TTYH2: variants seen among roughly 807,000 people sequenced by gnomAD.
The protein encoded by TTYH2 is protein tweety homolog 2.
TTYH2 carries 49 observed loss-of-function variants against 68.3 expected under a neutral mutation model. The ratio of observed to expected loss-of-function variants is 0.72; its 90% confidence interval spans 0.57 to 0.91. TTYH2 has a LOEUF of 0.91. Among genes scored for constraint, TTYH2 ranks in the 40% least tolerant of loss-of-function variants. The probability of loss-of-function intolerance (pLI) is 0.00; values close to 1 mark genes in which losing one functional copy is unlikely to be tolerated. For synonymous variants in TTYH2, 272 were observed against 300.8 expected, an observed-to-expected ratio of 0.90 and a Z score of 0.99; for missense variants, 631 against 700.4, an observed-to-expected ratio of 0.90 and a Z score of 1.12.
chr17:74,246,218 G>C (rs1242559765), intron 6 of TTYH2, among the ~76,000 whole-genome samples: 2 of 152,146 alleles, frequency 1.3e-5, no homozygotes, highest in Non-Finnish European at 2.9e-5. Flanking sequence ...CCAGCTAAGG[G>C]GCAGCCAGGC....
intron 13 of TTYH2, among the ~76,000 whole-genome samples, chr17:74,258,297 C>A (rs535019950): frequency 6.6e-6 from 1 of 151,894 alleles, no homozygotes; most frequent in South Asian, 2.1e-4. Flanking sequence ...CTGAGTTTCA[C>A]TCTTGTTGCC....
chr17:74,227,588 T>C (rs1049991257), intron 2 of TTYH2, among the ~76,000 whole-genome samples: 16 of 152,312 alleles, frequency 1.1e-4, no homozygotes, highest in East Asian at 3.9e-4. Context: ...TCTGTGTGGA[T>C]ACAGTTGCAT....
intron 10 of TTYH2, 141 bp downstream of exon 10, chr17:74,250,498 T>C: frequency 1.5e-6 from 1 of 688,068 alleles, no homozygotes; most frequent in South Asian, 1.9e-5. Context: ...AGCCAGATAA[T>C]GGGAAGGGAG....
At chr17:74,220,666 G>A (rs1315966590) in intron 1 of TTYH2, among the ~76,000 whole-genome samples, 1 of 152,180 alleles carries the variant, frequency 6.6e-6, no homozygotes, top group African/African-American at 2.4e-5. Context: ...TCAGTCCCGG[G>A]GACAGGCCAT....
rs958587644 is a variant in TTYH2 at position 74,253,783 on chromosome 17, C to T, written c.1474C>T (p.Pro492Ser). Residue 492 changes from proline to serine, a missense_variant, in exon 13 of 14, where the codon CCA (proline) becomes TCA (serine). Transcript: ENST00000269346. ...MNQAMLFGRNPRYENVPLIGR... is the reference protein window; with the variant it reads ...MNQAMLFGRNSRYENVPLIGR... ...CCAAGCCATGCTCTTTGGTAGGAACCCACGCTACGAGAACGTGCCACTAAT... is the reference window on the plus strand; with the variant it reads ...CCAAGCCATGCTCTTTGGTAGGAACTCACGCTACGAGAACGTGCCACTAAT... 2 of 1,614,226 alleles carry T rather than the reference C, an allele frequency of 1.2e-6. No individual in the cohort carries two copies. Among genetic ancestry groups the T allele is most frequent in the Non-Finnish European group, 8.5e-7 (1 of 1,180,042 alleles).
intron 3 of TTYH2, among the ~76,000 whole-genome samples, chr17:74,235,064 C>T (rs1318113282): frequency 1.3e-5 from 2 of 152,054 alleles, no homozygotes; most frequent in Non-Finnish European, 2.9e-5. Context: ...TTAACCAACT[C>T]GTAAGAACCA....
Position 74,244,174 on chromosome 17 carries a change from A to T in TTYH2, c.804+125A>T, listed in dbSNP as rs919088630. The T allele has an allele frequency of 9.7e-6, 9 of 927,848 alleles. No homozygotes were observed. In the African/African-American group the frequency reaches 1.1e-4, roughly 12 times the overall value. The allele number at this position is 927,848 out of a possible 1,614,324, so 57.5% of individuals were successfully genotyped here. ...CTAGAATCCCAGAATCTCAGAACCA[A>T]AGGGACTTGCGTCATCTGAACCGGC... On this transcript the variant is annotated intron_variant, in intron 6 of 13. Transcript: ENST00000269346.
chr17:74,221,271 C>T (rs1026048400), intron 1 of TTYH2, among the ~76,000 whole-genome samples: 2 of 152,184 alleles, frequency 1.3e-5, no homozygotes, highest in African/African-American at 2.4e-5. Context: ...GGGCTGGCAG[C>T]GTGGCCTCCA....
intron 3 of TTYH2, among the ~76,000 whole-genome samples, chr17:74,237,016 C>G (rs1378952240): frequency 6.6e-6 from 1 of 151,902 alleles, no homozygotes; most frequent in African/African-American, 2.4e-5. Context: ...CCTGCCTCAA[C>G]CTCCCAAGTA....
At chr17:74,225,806 G>C (rs185971876) in intron 2 of TTYH2, among the ~76,000 whole-genome samples, 1 of 152,176 alleles carries the variant, frequency 6.6e-6, no homozygotes, top group African/African-American at 2.4e-5. Flanking sequence ...GAGACATTCC[G>C]TGTGAGGGAT....
intron 6 of TTYH2, 49 bp from the exon 7 acceptor site, chr17:74,248,962 G>A: frequency 3.7e-6 from 6 of 1,613,390 alleles, no homozygotes; most frequent in Non-Finnish European, 4.2e-6. Context: ...GGGCCCCGCT[G>A]TCCTGATACC....
At chr17:74,236,921 A>G (rs1418269682) in intron 3 of TTYH2, among the ~76,000 whole-genome samples, 1 of 145,506 alleles carries the variant, frequency 6.9e-6, no homozygotes, top group Non-Finnish European at 1.5e-5. Context: ...TTCGACACAG[A>G]GTATCACTCT....
At position 74,215,986 on chromosome 17, in the gene TTYH2, G is replaced by C. The variant is rs527395433; in HGVS notation, c.129+2270G>C. Among the ~76,000 whole-genome samples the C allele has an allele frequency of 6.6e-6, 1 of 152,344 alleles. No homozygotes were observed. Among genetic ancestry groups the C allele is most frequent in the East Asian group, 1.9e-4 (1 of 5,184 alleles). Reference sequence around the variant, plus strand: ...TGGGGCTCTGCCCTCCAGTTGGCTGGGGTGGATTCCCAGTTCTTTCCATGT... The same window carrying C: ...TGGGGCTCTGCCCTCCAGTTGGCTGCGGTGGATTCCCAGTTCTTTCCATGT... On this transcript the variant is annotated intron_variant, in intron 1 of 13. Transcript: ENST00000269346. The surrounding 1 kb of genome is among the most constrained non-coding windows in gnomAD (Gnocchi z 4.3).
In TTYH2 at chr17:74,215,346, C is replaced by A. The variant is rs2050212385; in HGVS notation, c.129+1630C>A. The stretch of plus-strand genomic sequence containing the variant: ...GGTAGGGATGGTAAGGGGACTCCCT[C>A]ACCCTGATGGCCCCAGAGACAGTTC... On this transcript the variant is annotated intron_variant, in intron 1 of 13. Transcript: ENST00000269346. This position sits in a 1 kb window ranked among gnomAD's most constrained non-coding sequence, Gnocchi z 4.3. 1.3e-5 allele frequency among the ~76,000 whole-genome samples: 2 copies of A among 152,108 alleles called. No individual in the cohort carries two copies. Among genetic ancestry groups the A allele is most frequent in the South Asian group, 4.2e-4 (2 of 4,818 alleles).
chr17:74,224,470 G>T (rs959660072), intron 2 of TTYH2, among the ~76,000 whole-genome samples: 1 of 152,166 alleles, frequency 6.6e-6, no homozygotes, highest in Non-Finnish European at 1.5e-5. Flanking sequence ...GAATACTTTG[G>T]AACAGTAAGA....
Position 74,214,102 on chromosome 17 carries a change from C to T in TTYH2, c.129+386C>T, listed in dbSNP as rs998210768. 6.6e-6 allele frequency among the ~76,000 whole-genome samples: 1 copy of T among 152,096 alleles called. No homozygotes were observed. The highest frequency in any genetic ancestry group is 1.5e-5 in the Non-Finnish European group (1 of 68,014). On this transcript the variant is annotated intron_variant, in intron 1 of 13. Coordinates refer to ENST00000269346, the MANE Select transcript of TTYH2 (RefSeq NM_032646.6). This position sits in a 1 kb window ranked among gnomAD's most constrained non-coding sequence, Gnocchi z 4.6. ...GAGGTGCGGGGATGCTGAGGGGTGC[C>T]CCGAAGTTTTCGACCGTCTGAGATT...
rs1304836916 is a variant in TTYH2 at position 74,215,661 on chromosome 17, C to T, written c.129+1945C>T. The T allele has an allele frequency of 1.3e-6, 2 of 1,535,680 alleles. No homozygotes were observed. The highest frequency in any genetic ancestry group is 3.9e-5 in the Admixed American group (2 of 50,998). ...CTGAGTAGGAGATGAGCGTGGTGGG[C>T]CAGGACCGGAAGTCTGGCTCTGGGT... On this transcript the variant is annotated intron_variant, in intron 1 of 13. Transcript: ENST00000269346. The surrounding 1 kb of genome is among the most constrained non-coding windows in gnomAD (Gnocchi z 4.3).
intron 2 of TTYH2, among the ~76,000 whole-genome samples, chr17:74,224,708 A>G (rs2050312327): frequency 6.6e-6 from 1 of 152,080 alleles, no homozygotes; most frequent in Non-Finnish European, 1.5e-5. Flanking sequence ...CATTGCAACT[A>G]AAGAGAGAGG....
At chr17:74,244,398 G>A (rs1331850429) in intron 6 of TTYH2, among the ~76,000 whole-genome samples, 2 of 152,196 alleles carry the variant, frequency 1.3e-5, no homozygotes, top group Non-Finnish European at 2.9e-5. Context: ...AACTGACCGG[G>A]TCTCCTGAGA....
Sources: gnomAD v4.1 joint callset for allele counts (sites outside exome capture counted in the v4.1 genomes callset) on GRCh38, gnomAD v4.1.1 for gene constraint, Gnocchi (gnomAD v3.1) non-coding constraint, MANE v1.5 for transcripts, NCBI Gene and HGNC (gene_info 2026-07-23, HGNC 2026-07-21) for gene names.